SNX10: variants seen among roughly 807,000 people sequenced by gnomAD.
SNX10 encodes sorting nexin-10.
Under a neutral mutation model 28.5 loss-of-function variants are expected in SNX10, and 25 were observed. The ratio of observed to expected loss-of-function variants is 0.88; its 90% confidence interval spans 0.64 to 1.22. The LOEUF (loss-of-function observed/expected upper bound fraction) is 1.22, where lower values mean the gene tolerates loss of function less well. Ranked by LOEUF, SNX10 falls within the 50% of genes most tolerant of loss-of-function variation. The probability of loss-of-function intolerance (pLI) is 0.00; values close to 1 mark genes in which losing one functional copy is unlikely to be tolerated. For synonymous variants in SNX10, 62 were observed against 81.4 expected, an observed-to-expected ratio of 0.76 and a Z score of 1.28; for missense variants, 223 against 242.6, an observed-to-expected ratio of 0.92 and a Z score of 0.54.
At chr7:26,316,402 G>A (rs1217827804) in intron 1 of SNX10, among the ~76,000 whole-genome samples, 4 of 152,070 alleles carry the variant, frequency 2.6e-5, no homozygotes, top group Non-Finnish European at 5.9e-5. Flanking sequence ...AACCGTAATG[G>A]GTTTGCCTTG....
chr7:26,345,558 T>C (rs1411482987), intron 1 of SNX10, among the ~76,000 whole-genome samples: 1 of 152,130 alleles, frequency 6.6e-6, no homozygotes, highest in African/African-American at 2.4e-5. Flanking sequence ...AAGCGGAGCC[T>C]GTGTTCCTGC....
intron 1 of SNX10, among the ~76,000 whole-genome samples, chr7:26,292,674 T>C (rs1312895803): frequency 6.6e-6 from 1 of 152,122 alleles, no homozygotes; most frequent in African/African-American, 2.4e-5. Context: ...CACGGATTAT[T>C]GAGGGGGATC....
chr7:26,371,023 G>C (rs532227955), intron 5 of SNX10, among the ~76,000 whole-genome samples: 1 of 152,256 alleles, frequency 6.6e-6, no homozygotes, highest in South Asian at 2.1e-4. Context: ...ATATGAATTT[G>C]AGCATCTGTA....
At chr7:26,358,419 G>A (rs140762246) in intron 2 of SNX10, among the ~76,000 whole-genome samples, 60 of 152,122 alleles carry the variant, frequency 3.9e-4, no homozygotes, top group African/African-American at 9.9e-4. Context: ...CTCTTAATGC[G>A]CATGAAAAAA....
intron 5 of SNX10, among the ~76,000 whole-genome samples, chr7:26,367,967 CA>C (rs1789364037): frequency 6.6e-6 from 1 of 152,120 alleles, no homozygotes; most frequent in Non-Finnish European, 1.5e-5. Flanking sequence ...TTTGAAACCA[CA>C]ATGTCTTTGT....
chr7:26,297,691 C>G (rs1269046000), intron 1 of SNX10, among the ~76,000 whole-genome samples: 2 of 152,078 alleles, frequency 1.3e-5, no homozygotes, highest in Admixed American at 6.6e-5. Context: ...GCCTTCCATA[C>G]CTGCCCCTTT....
chr7:26,294,922 C>T (rs1786053483), intron 1 of SNX10, among the ~76,000 whole-genome samples: 1 of 152,316 alleles, frequency 6.6e-6, no homozygotes, highest in East Asian at 1.9e-4. Flanking sequence ...TAACTCTCAG[C>T]CACCCACCTG....
intron 1 of SNX10, among the ~76,000 whole-genome samples, chr7:26,328,929 G>A (rs902998800): frequency 2.0e-5 from 3 of 152,026 alleles, no homozygotes; most frequent in African/African-American, 4.8e-5. Context: ...GAGGAAACAC[G>A]CCAATACCTC....
intron 1 of SNX10, among the ~76,000 whole-genome samples, chr7:26,302,708 A>C (rs1786423875): frequency 6.6e-6 from 1 of 152,162 alleles, no homozygotes. Context: ...GCATACCCAC[A>C]AAGGCTGGGC....
At chr7:26,335,382 A>G (rs976470225) in intron 1 of SNX10, among the ~76,000 whole-genome samples, 2 of 152,110 alleles carry the variant, frequency 1.3e-5, no homozygotes. Flanking sequence ...ATGTAGTAAT[A>G]TTTCCTAGGT....
chr7:26,306,298 C>G (rs928180533), intron 1 of SNX10, among the ~76,000 whole-genome samples: 5 of 152,162 alleles, frequency 3.3e-5, no homozygotes, highest in African/African-American at 1.2e-4. Context: ...AGTAAATGAT[C>G]CAACTCTTGC....
At chr7:26,312,320 C>T (rs186625274) in intron 1 of SNX10, among the ~76,000 whole-genome samples, 148 of 152,244 alleles carry the variant, frequency 9.7e-4, no homozygotes, top group Middle Eastern at 3.4e-3. Context: ...ATTGGCATAG[C>T]AACCACCATA....
chr7:26,318,569 A>G (rs4722592), intron 1 of SNX10, among the ~76,000 whole-genome samples: 152,274 of 152,278 alleles, frequency 1, 76,135 homozygotes, highest in Middle Eastern at 1. Flanking sequence ...CTGGGCTCAA[A>G]CAGTCTTCCC....
intron 1 of SNX10, among the ~76,000 whole-genome samples, chr7:26,297,543 C>T (rs1329098325): frequency 6.6e-6 from 1 of 152,154 alleles, no homozygotes; most frequent in Non-Finnish European, 1.5e-5. Flanking sequence ...ACTTTGGCTA[C>T]ATTTCCCATC....
chr7:26,306,970 T>C (rs922365006), intron 1 of SNX10, among the ~76,000 whole-genome samples: 1 of 152,226 alleles, frequency 6.6e-6, no homozygotes, highest in Non-Finnish European at 1.5e-5. Flanking sequence ...CCAGGTGGTC[T>C]GGAGTCAAAT....
chr7:26,313,477 C>T (rs192307567), intron 1 of SNX10, among the ~76,000 whole-genome samples: 7 of 152,190 alleles, frequency 4.6e-5, no homozygotes, highest in Middle Eastern at 3.4e-3. Context: ...ATTGTTTTGC[C>T]AGCATGGGAG....
chr7:26,345,622 C>T (rs952505891), intron 1 of SNX10, among the ~76,000 whole-genome samples: 5 of 152,090 alleles, frequency 3.3e-5, no homozygotes, highest in Admixed American at 6.5e-5. Flanking sequence ...TCTGGGAATA[C>T]GTGTGGGGGA....
At chr7:26,341,012 G>T (rs1419646633) in intron 1 of SNX10, among the ~76,000 whole-genome samples, 1 of 152,144 alleles carries the variant, frequency 6.6e-6, no homozygotes, top group Non-Finnish European at 1.5e-5. Flanking sequence ...ATGATTCTTG[G>T]AATGGGCTGG....
intron 1 of SNX10, among the ~76,000 whole-genome samples, chr7:26,324,594 CA>C (rs1399776758): frequency 6.6e-6 from 1 of 152,128 alleles, no homozygotes; most frequent in Non-Finnish European, 1.5e-5. Flanking sequence ...CTCCTGGCCT[CA>C]AGTGATCCTC....
Sources: allele counts gnomAD v4.1 joint callset (sites outside exome capture counted in the v4.1 genomes callset), GRCh38; gene constraint gnomAD v4.1.1; transcripts MANE v1.5; gene names NCBI Gene and HGNC (gene_info 2026-07-23, HGNC 2026-07-21).